The following SUMF1 variants were observed in gnomAD, a reference collection of about 807,000 sequenced individuals.
SUMF1 encodes formylglycine-generating enzyme.
Under a neutral mutation model 47.6 loss-of-function variants are expected in SUMF1, and 48 were observed. The observed-to-expected ratio is 1.01, with a 90% CI of 0.80 to 1.28. SUMF1 has a LOEUF of 1.28. SUMF1 is among the 50% of genes most tolerant of loss of function. SUMF1 has a pLI of 0.00. For missense variants in SUMF1, 571 were observed against 485.4 expected (o/e 1.18, Z -1.66); for synonymous variants, 230 against 192.1 (o/e 1.20, Z -1.63).
chr3:4,384,809 A>C (rs147687559), intron 7 of SUMF1, among the ~76,000 whole-genome samples: 1 of 152,168 alleles, frequency 6.6e-6, no homozygotes, highest in Non-Finnish European at 1.5e-5. Flanking sequence ...TTGTATGAAC[A>C]TAAGTTTTCA....
intron 8 of SUMF1, among the ~76,000 whole-genome samples, chr3:4,245,553 C>G (rs313646): frequency 0.65 from 99,251 of 152,024 alleles, 33,331 homozygotes; most frequent in African/African-American, 0.8. Context: ...GTTTGCCTGA[C>G]TATCACCAGC....
At chr3:4,320,937 C>T (rs143968294) in intron 8 of SUMF1, among the ~76,000 whole-genome samples, 1 of 152,086 alleles carries the variant, frequency 6.6e-6, no homozygotes, top group Admixed American at 6.6e-5. Context: ...TCCTTTAATT[C>T]TAAGTGCTCA....
chr3:4,250,657 C>T (rs73115989), intron 8 of SUMF1, among the ~76,000 whole-genome samples: 9 of 152,052 alleles, frequency 5.9e-5, no homozygotes, highest in South Asian at 2.1e-4. Context: ...CTAACACAAC[C>T]GGTGACTTAA....
At chr3:4,313,899 C>T in intron 8 of SUMF1, 1 of 1,428,326 alleles carries the variant, frequency 7.0e-7, no homozygotes, top group Non-Finnish European at 9.3e-7. Flanking sequence ...AGTATCCTTT[C>T]CCCTTTCTGT....
At chr3:4,399,324 T>A (rs1244784175) in intron 7 of SUMF1, among the ~76,000 whole-genome samples, 4 of 152,070 alleles carry the variant, frequency 2.6e-5, no homozygotes, top group Non-Finnish European at 5.9e-5. Flanking sequence ...ACCCTAAAAA[T>A]CTATAAAGCT....
At chr3:4,197,290 T>C (rs1382895720) in intron 8 of SUMF1, among the ~76,000 whole-genome samples, 1 of 152,090 alleles carries the variant, frequency 6.6e-6, no homozygotes, top group Non-Finnish European at 1.5e-5. Context: ...AATTTTTGTA[T>C]TTTTTGTACA....
chr3:4,265,866 T>G (rs1452827493), intron 8 of SUMF1, among the ~76,000 whole-genome samples: 2 of 152,208 alleles, frequency 1.3e-5, no homozygotes, highest in African/African-American at 2.4e-5. Context: ...GTTTTAGGTC[T>G]AACGTTTAAA....
chr3:4,187,324 G>A (rs928526207), intron 8 of SUMF1, among the ~76,000 whole-genome samples: 3 of 152,126 alleles, frequency 2.0e-5, no homozygotes, highest in South Asian at 2.1e-4. Context: ...AGCTAGTATC[G>A]TGCCACTGCA....
intron 8 of SUMF1, among the ~76,000 whole-genome samples, chr3:4,296,135 C>T (rs1697845344): frequency 6.6e-6 from 1 of 151,136 alleles, no homozygotes; most frequent in Non-Finnish European, 1.5e-5. Context: ...AAAAACAATA[C>T]TGGGTATGAC....
chr3:4,272,109 A>G (rs1697317274), intron 8 of SUMF1, among the ~76,000 whole-genome samples: 1 of 152,202 alleles, frequency 6.6e-6, no homozygotes, highest in South Asian at 2.1e-4. Context: ...TTTCAAGAAA[A>G]TATTCTTGAT....
intron 8 of SUMF1, among the ~76,000 whole-genome samples, chr3:4,179,762 C>A (rs191443139): frequency 0.031 from 4,741 of 152,176 alleles, 263 homozygotes; most frequent in African/African-American, 0.11. Context: ...TGGCAACCTA[C>A]AGAATGGGAG....
intron 8 of SUMF1, among the ~76,000 whole-genome samples, chr3:4,138,152 A>C (rs952527412): frequency 2.0e-5 from 3 of 152,166 alleles, no homozygotes; most frequent in African/African-American, 7.2e-5. Flanking sequence ...AAAAGACCTA[A>C]GTAAATGGAA....
chr3:4,081,439 T>C (rs1363506889), intron 8 of SUMF1, among the ~76,000 whole-genome samples: 1 of 152,156 alleles, frequency 6.6e-6, no homozygotes, highest in African/African-American at 2.4e-5. Flanking sequence ...ATTATCTAAT[T>C]GAGTTGAATT....
chr3:4,257,956 C>T lies in SUMF1; in HGVS notation c.1014+118374G>A, dbSNP rs1354756954. On this transcript the variant is annotated intron_variant and NMD_transcript_variant, in intron 8 of 12. Coordinates refer to the SUMF1 transcript ENST00000448413. ...AGAACAGAGCCCTCAGAAATAACGC[C>T]GCATGTCTACAACTATCTGATCTTT... 7.2e-5 allele frequency among the ~76,000 whole-genome samples: 11 copies of T among 152,066 alleles called. No individual in the cohort carries two copies. In the East Asian group the frequency reaches 1.2e-3, roughly 16 times the overall value.
intron 8 of SUMF1, among the ~76,000 whole-genome samples, chr3:4,101,580 C>A: frequency 6.6e-6 from 1 of 152,014 alleles, no homozygotes; most frequent in East Asian, 1.9e-4. Flanking sequence ...TGTTCTATTG[C>A]ACAGCAAGTC....
rs141715954 is a variant in SUMF1 at position 4,226,506 on chromosome 3, G to C, written c.1014+149824C>G. Among the ~76,000 whole-genome samples, 491 of 151,978 alleles carry C rather than the reference G, an allele frequency of 3.2e-3. 2 individuals carry two copies. Among genetic ancestry groups the C allele is most frequent in the African/African-American group, 0.011 (473 of 41,474 alleles). On this transcript the variant is annotated intron_variant and NMD_transcript_variant, in intron 8 of 12. Coordinates refer to the SUMF1 transcript ENST00000448413. The stretch of plus-strand genomic sequence containing the variant: ...GATGTTCTCGATCCCTTGACCTCAT[G>C]ATTTGCCCACCTCGGCCTACCAAAG...
intron 8 of SUMF1, among the ~76,000 whole-genome samples, chr3:4,158,499 TTTG>T (rs1369915395): frequency 2.0e-5 from 3 of 151,500 alleles, no homozygotes; most frequent in Non-Finnish European, 2.9e-5. Context: ...GTACAATGTT[TTTG>T]TTGATTTTCT....
intron 3 of SUMF1, among the ~76,000 whole-genome samples, chr3:4,421,720 T>C (rs1701903595): frequency 1.3e-5 from 2 of 152,156 alleles, no homozygotes; most frequent in South Asian, 2.1e-4. Flanking sequence ...TGGGCTCCAG[T>C]GATCCCTGCC....
chr3:4,296,476 G>A (rs1697853937), intron 8 of SUMF1, among the ~76,000 whole-genome samples: 1 of 152,068 alleles, frequency 6.6e-6, no homozygotes, highest in Non-Finnish European at 1.5e-5. Context: ...AGTTTCACAT[G>A]GCTGGGGAGG....
Sources: allele counts gnomAD v4.1 joint callset (sites outside exome capture counted in the v4.1 genomes callset), GRCh38; gene constraint gnomAD v4.1.1; transcripts MANE v1.5; gene names NCBI Gene and HGNC (gene_info 2026-07-23, HGNC 2026-07-21).